The following ANKFN1 variants were observed in gnomAD, a reference collection of about 807,000 sequenced individuals.
The protein encoded by ANKFN1 is ankyrin repeat and fibronectin type-III domain-containing protein 1.
In ANKFN1, 74 loss-of-function variants were observed where a neutral mutation model predicts 108.7. The ratio of observed to expected loss-of-function variants is 0.68; its 90% CI spans 0.56 to 0.83. The LOEUF (loss-of-function observed/expected upper bound fraction) is 0.83. ANKFN1 is among the 40% of genes least tolerant of loss of function. The pLI is 0.00. For synonymous variants in ANKFN1, 547 were observed against 516.2 expected, an observed-to-expected ratio of 1.06 and a Z score of -0.81; for missense variants, 1,505 against 1,382.3, an observed-to-expected ratio of 1.09 and a Z score of -1.41.
At chr17:56,343,733 C>G (rs546166426) in intron 4 of ANKFN1, among the ~76,000 whole-genome samples, 3 of 151,754 alleles carry the variant, frequency 2.0e-5, no homozygotes, top group Non-Finnish European at 4.4e-5. Flanking sequence ...TGACAGTGTT[C>G]CAAGGATCTC....
rs1017588569 is a variant in ANKFN1, at chr17:56,514,975, C to T, written c.*3706C>T. On this transcript the variant is annotated 3_prime_UTR_variant, in exon 21 of 21. Coordinates refer to ENST00000682825, the MANE Select transcript of ANKFN1 (RefSeq NM_001370326.1). ...TTCCCTTGAAGATAACTCTGTTAGA[C>T]GAGGAGGCATCCCAGAAAATACCTG... is the stretch of plus-strand genomic sequence containing the variant. Among the ~76,000 whole-genome samples, 2 of 152,050 alleles carry T rather than the reference C, an allele frequency of 1.3e-5. No homozygotes were observed. Among genetic ancestry groups the T allele is most frequent in the Admixed American group, 6.6e-5 (1 of 15,258 alleles).
rs1905267448 is a variant in ANKFN1, at chr17:56,083,101, G to A, written c.288+36776G>A. ...TGAGTGATAAGATTCTGAGCTGACA[G>A]TCGAGAACTGAAATCACATATGCAA... On this transcript the variant is annotated intron_variant, in intron 4 of 12. Coordinates refer to the ANKFN1 transcript ENST00000635860. 2.0e-5 allele frequency among the ~76,000 whole-genome samples: 3 copies of A among 151,454 alleles called. No homozygotes were observed. The South Asian group carries it at 6.2e-4, about 31-fold the overall frequency.
At chr17:56,129,007 C>T (rs1053010142) in intron 4 of ANKFN1, among the ~76,000 whole-genome samples, 1 of 152,076 alleles carries the variant, frequency 6.6e-6, no homozygotes, top group African/African-American at 2.4e-5. Flanking sequence ...TATAAATATA[C>T]ATTTTAGCTG....
intron 1 of ANKFN1, among the ~76,000 whole-genome samples, chr17:56,198,763 A>G (rs1245119470): frequency 6.6e-6 from 1 of 152,096 alleles, no homozygotes; most frequent in Non-Finnish European, 1.5e-5. Context: ...CATGTTGTGT[A>G]AGGAGATGTT....
At chr17:56,331,135 A>T (rs1466163428) in intron 4 of ANKFN1, among the ~76,000 whole-genome samples, 3 of 152,286 alleles carry the variant, frequency 2.0e-5, no homozygotes, top group South Asian at 2.1e-4. Flanking sequence ...CTAGAAAAGC[A>T]ATCTTTTGCT....
At chr17:56,087,452 C>A (rs2143182461) in intron 4 of ANKFN1, among the ~76,000 whole-genome samples, 1 of 151,522 alleles carries the variant, frequency 6.6e-6, no homozygotes, top group African/African-American at 2.4e-5. Flanking sequence ...CTACTCAGCA[C>A]TCTCTAAAAT....
chr17:56,177,145 C>T (rs752110421), intron 1 of ANKFN1, among the ~76,000 whole-genome samples: 28 of 152,174 alleles, frequency 1.8e-4, no homozygotes, highest in African/African-American at 6.8e-4. Flanking sequence ...GCCTGACCGG[C>T]AGAGTGAACA....
chr17:56,384,526 G>C (rs542864332), intron 8 of ANKFN1, among the ~76,000 whole-genome samples: 1 of 152,172 alleles, frequency 6.6e-6, no homozygotes, highest in Non-Finnish European at 1.5e-5. Context: ...AGGAAAAGAG[G>C]AAATCAAATT....
chr17:56,079,768 G>A (rs1048042122), intron 4 of ANKFN1, among the ~76,000 whole-genome samples: 15 of 152,196 alleles, frequency 9.9e-5, no homozygotes, highest in Admixed American at 7.8e-4. Flanking sequence ...TGACAAGGTG[G>A]TGACTCCCTT....
At chr17:56,427,278 A>T (rs563657223) in intron 8 of ANKFN1, among the ~76,000 whole-genome samples, 41 of 152,328 alleles carry the variant, frequency 2.7e-4, no homozygotes, top group African/African-American at 9.6e-4. Context: ...AACCTTATCC[A>T]GAACTGGGAG....
At chr17:56,430,886 T>C (rs2048732469) in intron 8 of ANKFN1, among the ~76,000 whole-genome samples, 2 of 152,198 alleles carry the variant, frequency 1.3e-5, no homozygotes, top group African/African-American at 4.8e-5. Flanking sequence ...GGACCCAATG[T>C]TGTCTTGGGG....
At chr17:56,068,720 C>A (rs1305142613) in intron 4 of ANKFN1, among the ~76,000 whole-genome samples, 1 of 152,196 alleles carries the variant, frequency 6.6e-6, no homozygotes, top group African/African-American at 2.4e-5. Flanking sequence ...GTATTCATAT[C>A]GTTCAATGAA....
At chr17:56,434,942 A>T (rs528058961) in intron 8 of ANKFN1, among the ~76,000 whole-genome samples, 1 of 152,188 alleles carries the variant, frequency 6.6e-6, no homozygotes, top group Non-Finnish European at 1.5e-5. Flanking sequence ...GAATGTGGCC[A>T]GTAAGAATGC....
intron 6 of ANKFN1, among the ~76,000 whole-genome samples, chr17:56,369,120 G>A (rs972823923): frequency 5.3e-5 from 8 of 152,174 alleles, no homozygotes; most frequent in Non-Finnish European, 1.2e-4. Flanking sequence ...TCTTTAGCAT[G>A]CTACAGTTAT....
intron 1 of ANKFN1, among the ~76,000 whole-genome samples, chr17:56,194,025 T>C (rs1913260140): frequency 6.6e-6 from 1 of 152,138 alleles, no homozygotes; most frequent in South Asian, 2.1e-4. Context: ...CATGCAGAGG[T>C]ACTCCATGTC....
chr17:56,150,601 A>C (rs1410296818), upstream of ANKFN1, among the ~76,000 whole-genome samples: 3 of 152,142 alleles, frequency 2.0e-5, no homozygotes, highest in African/African-American at 7.2e-5. Context: ...ATACAACTGA[A>C]TTCTAATTCC....
intron 9 of ANKFN1, among the ~76,000 whole-genome samples, chr17:56,441,076 CA>C (rs796153006): frequency 5.9e-5 from 9 of 151,328 alleles, no homozygotes; most frequent in African/African-American, 1.2e-4. Context: ...ATATGAAATG[CA>C]AAAAAAATAA....
At chr17:56,224,677 C>T (rs1399065306) in intron 2 of ANKFN1, 2 of 152,122 alleles carry the variant, frequency 1.3e-5, no homozygotes, top group African/African-American at 4.8e-5. Flanking sequence ...CCACAGGAAC[C>T]AGGGTGAGAA....
Position 56,474,264 on chromosome 17 carries a change from C to CA in ANKFN1, c.1774-3223dup, listed in dbSNP as rs1457405389. ...CTCCATTATCTACAAATCTTCCACC[C>CA]AGATATTCAGCTTGTTAAAAGCAAC... On this transcript the variant is annotated intron_variant, in intron 15 of 20. Transcript: ENST00000682825. Among the ~76,000 whole-genome samples, 7 of 152,262 alleles carry CA rather than the reference C, an allele frequency of 4.6e-5. 2 individuals carry two copies. In the East Asian group the frequency reaches 1.4e-3, roughly 29 times the overall value.
Sources: gnomAD v4.1 joint callset for allele counts (sites outside exome capture counted in the v4.1 genomes callset) on GRCh38, gnomAD v4.1.1 for gene constraint, MANE v1.5 for transcripts, NCBI Gene and HGNC (gene_info 2026-07-23, HGNC 2026-07-21) for gene names.